MTRR: variants seen among roughly 807,000 people sequenced by gnomAD.
MTRR encodes 5-methyltetrahydrofolate-homocysteine methyltransferase reductase, also known as methionine synthase reductase.
In MTRR, 63 loss-of-function variants were observed where a neutral mutation model predicts 79.2. The observed-to-expected ratio is 0.80, with a 90% CI of 0.65 to 0.98. MTRR has a LOEUF of 0.98. Ranked by LOEUF, MTRR falls within the 50% of genes least tolerant of loss-of-function variation. MTRR has a pLI of 0.00. For synonymous variants in MTRR, 355 were observed against 313.3 expected (o/e 1.13, Z -1.41); for missense variants, 895 against 839.6 (o/e 1.07, Z -0.82).
rs767503539 is a variant in MTRR, at chr5:7,870,824, A to C, written c.30A>C (p.Thr10=). The change falls in exon 2 of 15, where the codon ACA becomes ACC. Residue 10 remains threonine (T), a synonymous_variant. Coordinates refer to ENST00000440940, the MANE Select transcript of MTRR (RefSeq NM_002454.3). ...GGAGGTTTCTGTTACTATATGCTACACAGCAGGGACAGGCAAAGGCCATCG... is the reference window on the plus strand; with the variant it reads ...GGAGGTTTCTGTTACTATATGCTACCCAGCAGGGACAGGCAAAGGCCATCG... MRRFLLLYA[T]QQGQAKAIAE... is the part of the protein sequence containing the mutation. 6.2e-7 allele frequency: 1 copy of C among 1,614,258 alleles called. No homozygotes were observed. The highest frequency in any genetic ancestry group is 1.1e-5 in the South Asian group (1 of 91,092).
At chr5:7,890,121 A>T (rs1370968416) in intron 9 of MTRR, 1 of 286,820 alleles carries the variant, frequency 3.5e-6, no homozygotes, top group East Asian at 1.7e-4. Flanking sequence ...TGCCTTTAAC[A>T]TTTGCATTTT....
intron 10 of MTRR, among the ~76,000 whole-genome samples, chr5:7,892,458 T>C (rs947718990): frequency 2.6e-5 from 4 of 152,220 alleles, no homozygotes; most frequent in African/African-American, 9.6e-5. Context: ...TGAAGATCCT[T>C]AGGGCATATT....
At chr5:7,878,910 A>G (rs957784973) in intron 5 of MTRR, among the ~76,000 whole-genome samples, 2 of 152,196 alleles carry the variant, frequency 1.3e-5, no homozygotes, top group Non-Finnish European at 1.5e-5. Context: ...GGAGTTCCAC[A>G]TGGACTTTTC....
intron 10 of MTRR, among the ~76,000 whole-genome samples, chr5:7,892,056 A>C (rs528659110): frequency 6.6e-6 from 1 of 152,206 alleles, no homozygotes; most frequent in South Asian, 2.1e-4. Context: ...ATAAAAAAAA[A>C]GAATATTTGA....
intron 2 of MTRR, 63 bp from the exon 3 acceptor site, chr5:7,873,310 T>C: frequency 6.3e-7 from 1 of 1,593,722 alleles, no homozygotes; most frequent in Non-Finnish European, 8.6e-7. Flanking sequence ...ATTGCTTTGC[T>C]GCTGAGTTAA....
chr5:7,852,605 A>G (rs1746108514), intron 1 of MTRR, among the ~76,000 whole-genome samples: 1 of 152,098 alleles, frequency 6.6e-6, no homozygotes, highest in Admixed American at 6.6e-5. Context: ...TGGTGCTTGG[A>G]GATGGAGCAC....
chr5:7,899,210 T>TGGG (rs1200601983), intron 14 of MTRR, among the ~76,000 whole-genome samples: 1 of 151,954 alleles, frequency 6.6e-6, no homozygotes, highest in African/African-American at 2.4e-5. Flanking sequence ...CTTCTAACAC[T>TGGG]GGGAACCACA....
chr5:7,898,858 G>T (rs1034646964), intron 14 of MTRR, among the ~76,000 whole-genome samples: 2 of 152,166 alleles, frequency 1.3e-5, no homozygotes, highest in African/African-American at 4.8e-5. Context: ...ATATTCAGAT[G>T]TCGATAGATA....
rs190625672 is a variant in MTRR at position 7,895,151 on chromosome 5, C to T, written c.1558-583C>T. Among the ~76,000 whole-genome samples the T allele has an allele frequency of 2.0e-5, 3 of 152,278 alleles. No individual in the cohort carries two copies. The East Asian group carries it at 5.8e-4, about 29-fold the overall frequency. On this transcript the variant is annotated intron_variant, in intron 11 of 14. Transcript: ENST00000440940. ...AGTGAAACTGGAAGTGAAACATACT[C>T]AGATTGATTCAGAAATATCTTTTGA...
In MTRR at chr5:7,869,186, G is replaced by T; in HGVS notation, c.-55G>T. On this transcript the variant is annotated 5_prime_UTR_variant, in exon 1 of 15. Coordinates refer to ENST00000440940, the MANE Select transcript of MTRR (RefSeq NM_002454.3). ...GCAAGGTTGGTGGAAGTCGCGTTGT[G>T]CAGGTTCGTGCCCGGCTGGCGCGGC... 2 of 1,610,796 alleles carry T rather than the reference G, an allele frequency of 1.2e-6. No homozygotes were observed. Among genetic ancestry groups the T allele is most frequent in the South Asian group, 1.1e-5 (1 of 91,082 alleles).
Position 7,878,327 on chromosome 5 carries a change from G to A in MTRR, c.780+5G>A, listed in dbSNP as rs768556197. ...CTGCAGGAGTCTCTTGGCCAGGTAA[G>A]GAAGTTTTTCTTTATGCTATAGATG... On this transcript the variant is annotated splice_donor_5th_base_variant and intron_variant, in intron 5 of 14. Transcript: ENST00000440940. 6.2e-7 allele frequency: 1 copy of A among 1,614,092 alleles called. No individual in the cohort carries two copies.
intron 1 of MTRR, among the ~76,000 whole-genome samples, chr5:7,854,620 C>G (rs1053915955): frequency 6.6e-6 from 1 of 152,160 alleles, no homozygotes; most frequent in Non-Finnish European, 1.5e-5. Flanking sequence ...ACTATCAGAT[C>G]TCATGAGACT....
rs964500031 is a variant in MTRR at position 7,861,682 on chromosome 5, G to A, written n.392-269G>A. On this transcript the variant is annotated intron_variant and non_coding_transcript_variant, in intron 1 of 3. Transcript: ENST00000502509. ...TGAGAGAAGAAAGGAAAAATTCCTC[G>A]TGTGATACCCTCACAAACACTATCT... 22 of 1,596,058 alleles carry A rather than the reference G, an allele frequency of 1.4e-5. No homozygotes were observed. The East Asian group carries it at 1.6e-4, about 11-fold the overall frequency.
Position 7,885,868 on chromosome 5 carries a change from T to C in MTRR, c.1057+14T>C. ...CAAAGAAGAAAGGTAACAGCCCTGA[T>C]GCTGTGACGTTGGGGTGTTGTGGGC... is the stretch of plus-strand genomic sequence containing the variant. On this transcript the variant is annotated intron_variant, in intron 7 of 14. Transcript: ENST00000440940. The C allele has an allele frequency of 1.2e-6, 2 of 1,614,020 alleles. No individual in the cohort carries two copies. Among genetic ancestry groups the C allele is most frequent in the African/African-American group, 1.3e-5 (1 of 75,048 alleles).
intron 8 of MTRR, among the ~76,000 whole-genome samples, chr5:7,887,793 C>CATATATACAT (rs1491410388): frequency 0.013 from 1,214 of 91,972 alleles, 62 homozygotes; most frequent in African/African-American, 0.027. Context: ...TGTGTGTGTG[C>CATATATACAT]ATATATATAT....
chr5:7,867,883 C>T (rs764113909), upstream of MTRR: 4 of 1,613,998 alleles, frequency 2.5e-6, no homozygotes, highest in Admixed American at 1.7e-5. Flanking sequence ...TTCCATTTTT[C>T]GAATGAAACT....
chr5:7,859,744 T>C (rs1434388165), intron 1 of MTRR, among the ~76,000 whole-genome samples: 1 of 152,222 alleles, frequency 6.6e-6, no homozygotes, highest in Non-Finnish European at 1.5e-5. Context: ...GGTAAATATT[T>C]GATGAATTAA....
chr5:7,867,540 A>G (rs1209988594), upstream of MTRR: 1 of 1,614,276 alleles, frequency 6.2e-7, no homozygotes, highest in Non-Finnish European at 8.5e-7. Flanking sequence ...AGAGCTTGCA[A>G]AGCAGTCACT....
intron 5 of MTRR, among the ~76,000 whole-genome samples, 185 bp downstream of exon 5, chr5:7,878,507 G>T (rs1459948686): frequency 5.3e-5 from 8 of 152,240 alleles, no homozygotes; most frequent in Non-Finnish European, 8.8e-5. Context: ...CATTTAGGTA[G>T]TGTCTATGAC....
Sources: gnomAD v4.1 joint callset for allele counts (sites outside exome capture counted in the v4.1 genomes callset) on GRCh38, gnomAD v4.1.1 for gene constraint, MANE v1.5 for transcripts, NCBI Gene and HGNC (gene_info 2026-07-23, HGNC 2026-07-21) for gene names.